MAEA: variants seen among roughly 807,000 people sequenced by gnomAD.
MAEA encodes E3 ubiquitin-protein transferase MAEA.
Under a neutral mutation model 46.2 loss-of-function variants are expected in MAEA, and 22 were observed. The observed-to-expected ratio is 0.48, with a 90% CI of 0.34 to 0.68. MAEA has a LOEUF of 0.68. Among genes scored for constraint, MAEA ranks in the 30% least tolerant of loss-of-function variants. The probability of loss-of-function intolerance (pLI) is 0.01; values close to 1 mark genes in which losing one functional copy is unlikely to be tolerated. For synonymous variants in MAEA, 246 were observed against 222.6 expected, an observed-to-expected ratio of 1.11 and a Z score of -0.94; for missense variants, 393 against 558.1, an observed-to-expected ratio of 0.70 and a Z score of 2.98.
At chr4:1,317,647 T>C (rs1479624943) in intron 3 of MAEA, among the ~76,000 whole-genome samples, 2 of 152,046 alleles carry the variant, frequency 1.3e-5, no homozygotes, top group Non-Finnish European at 2.9e-5. Flanking sequence ...CTGGAGGCCC[T>C]CATCTGCCCA....
intron 1 of MAEA, among the ~76,000 whole-genome samples, chr4:1,296,728 C>G (rs75017660): frequency 0.024 from 3,708 of 152,074 alleles, 46 homozygotes; most frequent in Non-Finnish European, 0.04. Flanking sequence ...TTTTTGCCCC[C>G]CAACACTCCA....
chr4:1,306,518 A>G (rs1358700158), intron 1 of MAEA, among the ~76,000 whole-genome samples: 2 of 152,124 alleles, frequency 1.3e-5, no homozygotes, highest in African/African-American at 2.4e-5. Context: ...GTGTCTCAAG[A>G]AAAAAGAAAA....
At chr4:1,312,203 A>G in intron 2 of MAEA, 42 bp downstream of exon 2, 1 of 1,609,662 alleles carries the variant, frequency 6.2e-7, no homozygotes, top group South Asian at 1.1e-5. Context: ...TGGGGCATGG[A>G]CACCCCTTTT....
At chr4:1,338,346 C>A in intron 7 of MAEA, 76 bp from the exon 8 acceptor site, 1 of 1,205,418 alleles carries the variant, frequency 8.3e-7, no homozygotes. Flanking sequence ...CAGCCCAGGG[C>A]AGAGTGGCCA....
chr4:1,312,730 A>C (rs1167155800), intron 2 of MAEA: 2 of 153,230 alleles, frequency 1.3e-5, no homozygotes, highest in African/African-American at 2.4e-5. Context: ...ACGCGGCCTG[A>C]TCGATTATTT....
intron 3 of MAEA, among the ~76,000 whole-genome samples, chr4:1,320,432 G>A (rs1737917817): frequency 1.4e-5 from 2 of 141,136 alleles, no homozygotes; most frequent in Non-Finnish European, 3.0e-5. Flanking sequence ...GCTTTAGAAA[G>A]AAATTATCAA....
intron 4 of MAEA, among the ~76,000 whole-genome samples, chr4:1,323,176 A>C (rs1257836677): frequency 6.6e-6 from 1 of 151,832 alleles, no homozygotes; most frequent in Non-Finnish European, 1.5e-5. Flanking sequence ...TGATCTCCTG[A>C]CCTTGTGATC....
chr4:1,324,011 C>T (rs548118755), intron 4 of MAEA, among the ~76,000 whole-genome samples: 6 of 145,426 alleles, frequency 4.1e-5, no homozygotes, highest in Non-Finnish European at 7.4e-5. Context: ...ATTGGATGAG[C>T]GTGCTTGGTG....
chr4:1,324,649 G>T (rs1738571495), intron 4 of MAEA, among the ~76,000 whole-genome samples: 1 of 136,254 alleles, frequency 7.3e-6, no homozygotes, highest in Non-Finnish European at 1.5e-5. Context: ...TGGATGAGTT[G>T]AGATTGGATG....
At chr4:1,312,979 T>A (rs1736702603) in intron 2 of MAEA, among the ~76,000 whole-genome samples, 1 of 152,208 alleles carries the variant, frequency 6.6e-6, no homozygotes, top group African/African-American at 2.4e-5. Context: ...CCTGGAGTGT[T>A]GGCCAGGCCA....
chr4:1,318,302 C>G (rs1248959550), intron 3 of MAEA, among the ~76,000 whole-genome samples: 2 of 152,250 alleles, frequency 1.3e-5, no homozygotes, highest in Non-Finnish European at 2.9e-5. Flanking sequence ...GTGCCCCTGG[C>G]CCCAGGGAAT....
intron 1 of MAEA, among the ~76,000 whole-genome samples, chr4:1,291,226 A>G (rs1177788477): frequency 6.6e-6 from 1 of 152,080 alleles, no homozygotes; most frequent in Non-Finnish European, 1.5e-5. Flanking sequence ...GGATTCCAGG[A>G]CTTAAGCGAT....
chr4:1,340,037 C>G lies in MAEA; in HGVS notation c.*868C>G, dbSNP rs560684564. 1 of 152,688 alleles carries G rather than the reference C, an allele frequency of 6.5e-6. No individual in the cohort carries two copies. Among genetic ancestry groups the G allele is most frequent in the Non-Finnish European group, 1.5e-5 (1 of 68,050 alleles). 9.5% of individuals were successfully genotyped at this position (152,688 alleles called of 1,614,324 possible). ...CACCGTAGCTGACAGAGAACCGTATCGTAGAGGTTTGTAGTTAGTGCTTAT... is the reference window on the plus strand; with the variant it reads ...CACCGTAGCTGACAGAGAACCGTATGGTAGAGGTTTGTAGTTAGTGCTTAT... On this transcript the variant is annotated 3_prime_UTR_variant, in exon 9 of 9. Transcript: ENST00000303400.
At chr4:1,328,308 G>T (rs11247992) in intron 5 of MAEA, among the ~76,000 whole-genome samples, 116,106 of 152,172 alleles carry the variant, frequency 0.76, 45,393 homozygotes, top group African/African-American at 0.94. Flanking sequence ...GTCTGCAAAG[G>T]AAGAGAGGCT....
intron 7 of MAEA, chr4:1,338,053 T>C (rs894738289): frequency 8.7e-6 from 2 of 231,064 alleles, no homozygotes; most frequent in Non-Finnish European, 1.7e-5. Flanking sequence ...GCGAGAGGGC[T>C]GGCGTGCTTG....
At chr4:1,329,741 A>G in intron 5 of MAEA, 1 of 985,188 alleles carries the variant, frequency 1.0e-6, no homozygotes, top group Non-Finnish European at 1.2e-6. Flanking sequence ...TTGTGGGGTG[A>G]GGGAGTGCGG....
chr4:1,319,695 C>T (rs1737775515), intron 3 of MAEA, among the ~76,000 whole-genome samples: 1 of 22,144 alleles, frequency 4.5e-5, no homozygotes, highest in Non-Finnish European at 6.9e-5. Context: ...ATGATCTCAC[C>T]ACTGTATTCC....
intron 1 of MAEA, among the ~76,000 whole-genome samples, chr4:1,294,935 G>A (rs1315310833): frequency 1.3e-5 from 2 of 152,084 alleles, no homozygotes; most frequent in Non-Finnish European, 2.9e-5. Context: ...AGTCCTGGCC[G>A]GCTCTCACCC....
rs1331761419 is a variant in MAEA, at chr4:1,313,511, A to G, written c.252+1350A>G. 2.0e-5 allele frequency among the ~76,000 whole-genome samples: 3 copies of G among 152,130 alleles called. No homozygotes were observed. In the East Asian group the frequency reaches 5.8e-4, roughly 29 times the overall value. ...AAAGCTGAGGCAGCAGAATCACTTG[A>G]GCGCAGGAGTTTGAGACCAGCCTGG... On this transcript the variant is annotated intron_variant, in intron 2 of 8. Transcript: ENST00000303400.
Sources: allele counts gnomAD v4.1 joint callset (sites outside exome capture counted in the v4.1 genomes callset), GRCh38; gene constraint gnomAD v4.1.1; transcripts MANE v1.5; gene names NCBI Gene and HGNC (gene_info 2026-07-23, HGNC 2026-07-21).